Variants in SEZ6L observed in about 807,000 individuals in gnomAD.
SEZ6L encodes seizure 6-like protein.
A neutral mutation model predicts 106.2 loss-of-function variants in SEZ6L; 37 were observed. That is an observed-to-expected ratio of 0.35 (90% CI 0.27 to 0.46). SEZ6L has a LOEUF of 0.46. SEZ6L is among the 20% of genes least tolerant of loss of function. The probability of loss-of-function intolerance (pLI) is 1.00; values close to 1 mark genes in which losing one functional copy is unlikely to be tolerated. For synonymous variants in SEZ6L, 541 were observed against 570.4 expected (o/e 0.95, Z 0.73); for missense variants, 1,172 against 1,332.8 (o/e 0.88, Z 1.88).
intron 1 of SEZ6L, among the ~76,000 whole-genome samples, chr22:26,190,525 T>C: frequency 6.6e-6 from 1 of 152,248 alleles, no homozygotes; most frequent in African/African-American, 2.4e-5. Flanking sequence ...GCAAATTATT[T>C]CATCTCTCTG....
chr22:26,261,049 TCA>T lies in SEZ6L; in HGVS notation c.95-31356_95-31355del, dbSNP rs1301296862. 4.9e-3 allele frequency among the ~76,000 whole-genome samples: 745 copies of T among 152,228 alleles called. 21 individuals are homozygous for T. Among genetic ancestry groups the T allele is most frequent in the Admixed American group, 0.035 (531 of 15,284 alleles). On this transcript the variant is annotated intron_variant, in intron 1 of 16. Transcript: ENST00000248933. ...ATATCTTCTTTTGAGAATTATCTAT[TCA>T]TGTCCTTAGCCCACTTTTTGATGGG...
chr22:26,301,043 T>C (rs1291155052), intron 5 of SEZ6L, among the ~76,000 whole-genome samples: 1 of 152,240 alleles, frequency 6.6e-6, no homozygotes, highest in Non-Finnish European at 1.5e-5. Flanking sequence ...CAAGCCAATA[T>C]GTGTTGCACA....
rs5997056 is a variant in SEZ6L at position 26,233,563 on chromosome 22, C to G, written c.95-58843C>G. Among the ~76,000 whole-genome samples the G allele has an allele frequency of 2.6e-3, 403 of 152,336 alleles. 3 individuals carry two copies. The highest frequency in any genetic ancestry group is 9.5e-3 in the African/African-American group (394 of 41,574). ...AAGCTGAGGCTCGAAGTCGAGCATGCGGACCAAGGTCCCACACCTTTGCTC... is the reference window on the plus strand; with the variant it reads ...AAGCTGAGGCTCGAAGTCGAGCATGGGGACCAAGGTCCCACACCTTTGCTC... On this transcript the variant is annotated intron_variant, in intron 1 of 16. Coordinates refer to ENST00000248933, the MANE Select transcript of SEZ6L (RefSeq NM_021115.5).
chr22:26,290,539 TAAATA>T (rs71312994), intron 1 of SEZ6L, among the ~76,000 whole-genome samples: 3 of 151,328 alleles, frequency 2.0e-5, no homozygotes, highest in Admixed American at 6.6e-5. Context: ...CTCAAAAAAA[TAAATA>T]AAATAAAATA....
At chr22:26,172,604 C>T (rs993178375) in intron 1 of SEZ6L, among the ~76,000 whole-genome samples, 3 of 152,138 alleles carry the variant, frequency 2.0e-5, no homozygotes, top group Non-Finnish European at 2.9e-5. Flanking sequence ...ATCTAGCTGG[C>T]GACTAAGGGC....
intron 1 of SEZ6L, among the ~76,000 whole-genome samples, chr22:26,183,793 T>G (rs1939571353): frequency 6.6e-6 from 1 of 152,226 alleles, no homozygotes; most frequent in Non-Finnish European, 1.5e-5. Context: ...ATAAATAATA[T>G]GCACACTATT....
intron 1 of SEZ6L, among the ~76,000 whole-genome samples, chr22:26,219,254 G>GTGTTC: frequency 7.4e-6 from 1 of 135,108 alleles, no homozygotes; most frequent in Non-Finnish European, 1.6e-5. Context: ...AGAAATACAA[G>GTGTTC]TTTTTTTTTT....
intron 1 of SEZ6L, among the ~76,000 whole-genome samples, chr22:26,253,266 G>T (rs1001126483): frequency 6.6e-6 from 1 of 152,150 alleles, no homozygotes; most frequent in Non-Finnish European, 1.5e-5. Flanking sequence ...CATCAGAAGG[G>T]CATCACCAGC....
In SEZ6L at chr22:26,306,103, G is replaced by A; in HGVS notation, c.1473G>A (p.Leu491=). ...WTIEAPEGQK[L]HLHFERLLLH... ...TTGAAGCTCCAGAGGGCCAGAAGCT[G>A]CACCTGCACTTTGAGAGGCTGTTGC... The change falls in exon 6 of 17, where the codon CTG becomes CTA. Residue 491 remains leucine (L), a synonymous_variant. Transcript: ENST00000248933. 6.2e-7 allele frequency: 1 copy of A among 1,614,100 alleles called. No homozygotes were observed. Among genetic ancestry groups the A allele is most frequent in the Middle Eastern group, 1.6e-4 (1 of 6,062 alleles).
intron 12 of SEZ6L, among the ~76,000 whole-genome samples, chr22:26,354,400 C>T (rs1198267332): frequency 6.6e-6 from 1 of 152,158 alleles, no homozygotes; most frequent in African/African-American, 2.4e-5. Flanking sequence ...CCCCCCCAAC[C>T]GCCCACAGCA....
intron 9 of SEZ6L, among the ~76,000 whole-genome samples, chr22:26,324,732 A>G (rs1206545843): frequency 6.6e-6 from 1 of 152,214 alleles, no homozygotes; most frequent in Non-Finnish European, 1.5e-5. Context: ...GTTCGAAGGA[A>G]TTAGAGAAGG....
At chr22:26,236,794 T>C (rs938229025) in intron 1 of SEZ6L, among the ~76,000 whole-genome samples, 19 of 152,220 alleles carry the variant, frequency 1.2e-4, no homozygotes, top group Admixed American at 1.2e-3. Context: ...CAGTAATACC[T>C]GCAGGATGAC....
intron 1 of SEZ6L, among the ~76,000 whole-genome samples, chr22:26,183,900 T>C (rs1357255041): frequency 2.6e-5 from 4 of 152,162 alleles, no homozygotes; most frequent in Admixed American, 2.6e-4. Context: ...TAAGTAATAA[T>C]AAAAATAAAT....
intron 3 of SEZ6L, 133 bp from the exon 4 acceptor site, chr22:26,296,755 G>T: frequency 1.5e-6 from 1 of 676,488 alleles, no homozygotes. Flanking sequence ...GGCTCGGCAT[G>T]GGGCCCAGGG....
intron 12 of SEZ6L, among the ~76,000 whole-genome samples, chr22:26,354,996 C>T (rs1016098973): frequency 6.6e-6 from 1 of 152,224 alleles, no homozygotes; most frequent in South Asian, 2.1e-4. Flanking sequence ...GAGAGATGGT[C>T]CGATTCTGGC....
Position 26,369,356 on chromosome 22 carries a change from T to TTTTTTTTTTTTTTTTTTTTTTTTTTTTC in SEZ6L, c.2794+3791_2794+3792insTTTTTTTTTTTTTTTTTTTTTTTTTTCT, listed in dbSNP as rs1601635216. On this transcript the variant is annotated intron_variant, in intron 13 of 16. Transcript: ENST00000248933. Reference sequence around the variant, plus strand: ...ATAAGCAGTTCTTTTGTTTTTTTTTTTGAGACAGATTCTCGCTCTGTCCCC... The same window carrying TTTTTTTTTTTTTTTTTTTTTTTTTTTTC: ...ATAAGCAGTTCTTTTGTTTTTTTTTTTTTTTTTTTTTTTTTTTTTTTTTTTTTCTGAGACAGATTCTCGCTCTGTCCCC... 1.6e-5 allele frequency among the ~76,000 whole-genome samples: 2 copies of TTTTTTTTTTTTTTTTTTTTTTTTTTTTC among 127,088 alleles called. 1 individual carries two copies. Among genetic ancestry groups the TTTTTTTTTTTTTTTTTTTTTTTTTTTTC allele is most frequent in the Non-Finnish European group, 3.2e-5 (2 of 61,706 alleles). The allele number at this position is 127,088 out of a possible 152,430, so 83.4% of individuals were successfully genotyped here. A position where few individuals can be genotyped will look rare whatever the true frequency, so the allele number is the denominator to read the frequency against.
intron 1 of SEZ6L, among the ~76,000 whole-genome samples, chr22:26,279,781 C>T (rs1054785584): frequency 1.3e-4 from 20 of 152,150 alleles, no homozygotes; most frequent in African/African-American, 4.3e-4. Context: ...TCCCTCCTCC[C>T]CCTGGAGAGG....
At chr22:26,345,147 C>T (rs766322557) in intron 10 of SEZ6L, among the ~76,000 whole-genome samples, 8 of 151,872 alleles carry the variant, frequency 5.3e-5, no homozygotes, top group East Asian at 1.9e-4. Context: ...CCCATGGGGA[C>T]GGACCATTCT....
At chr22:26,190,674 C>T (rs376778921) in intron 1 of SEZ6L, among the ~76,000 whole-genome samples, 2 of 152,112 alleles carry the variant, frequency 1.3e-5, no homozygotes, top group Non-Finnish European at 2.9e-5. Flanking sequence ...CCATGTAGGA[C>T]CCTGATTGGC....
Sources: allele counts gnomAD v4.1 joint callset (sites outside exome capture counted in the v4.1 genomes callset), GRCh38; gene constraint gnomAD v4.1.1; transcripts MANE v1.5; gene names NCBI Gene and HGNC (gene_info 2026-07-23, HGNC 2026-07-21).